The following SPATA16 variants were observed in gnomAD, a reference collection of about 807,000 sequenced individuals.
SPATA16 encodes spermatogenesis-associated protein 16.
A neutral mutation model predicts 63.3 loss-of-function variants in SPATA16; 36 were observed. The ratio of observed to expected loss-of-function variants is 0.57; its 90% CI spans 0.44 to 0.75. The LOEUF (loss-of-function observed/expected upper bound fraction) is 0.75, where lower values mean the gene tolerates loss of function less well. Among genes scored for constraint, SPATA16 ranks in the 30% least tolerant of loss-of-function variants. The probability of loss-of-function intolerance (pLI) is 0.00; values close to 1 mark genes in which losing one functional copy is unlikely to be tolerated. For synonymous variants in SPATA16, 203 were observed against 216.7 expected, an observed-to-expected ratio of 0.94 and a Z score of 0.56; for missense variants, 646 against 679.3, an observed-to-expected ratio of 0.95 and a Z score of 0.54.
chr3:173,050,135 C>T (rs1029848272), intron 2 of SPATA16, among the ~76,000 whole-genome samples: 3 of 152,202 alleles, frequency 2.0e-5, no homozygotes, highest in Admixed American at 1.3e-4. Context: ...TAGGTTAAGT[C>T]TTGAGACGGT....
chr3:172,900,875 T>C (rs1469255615), intron 10 of SPATA16, among the ~76,000 whole-genome samples: 1 of 152,060 alleles, frequency 6.6e-6, no homozygotes, highest in Non-Finnish European at 1.5e-5. Flanking sequence ...ACTCCTGACC[T>C]CATGATCTGC....
At chr3:173,097,919 A>G (rs1198225800) in intron 2 of SPATA16, among the ~76,000 whole-genome samples, 1 of 152,212 alleles carries the variant, frequency 6.6e-6, no homozygotes, top group African/African-American at 2.4e-5. Context: ...CAAAGGAAGC[A>G]CAAGGGCATA....
At chr3:173,023,926 A>AAT (rs1423191923) in intron 3 of SPATA16, among the ~76,000 whole-genome samples, 2 of 150,364 alleles carry the variant, frequency 1.3e-5, no homozygotes, top group East Asian at 3.9e-4. Flanking sequence ...GTATAGAATA[A>AAT]ATATATATAA....
chr3:173,094,684 T>G (rs1446486978), intron 2 of SPATA16, among the ~76,000 whole-genome samples: 1 of 151,514 alleles, frequency 6.6e-6, no homozygotes, highest in Non-Finnish European at 1.5e-5. Context: ...GTTGTTTTTT[T>G]TTTTTTTTTT....
rs1298940691 is a variant in SPATA16, at chr3:173,049,436, A to G, written c.613-342T>C. 3.9e-5 allele frequency among the ~76,000 whole-genome samples: 6 copies of G among 152,318 alleles called. No individual in the cohort carries two copies. In the East Asian group the frequency reaches 9.6e-4, roughly 24 times the overall value. On this transcript the variant is annotated intron_variant, in intron 2 of 10. Transcript: ENST00000351008. ...GTTGCTAAGAATGTCTGTTTTAAAA[A>G]TAAAGCACACAATAACCAAAGATAT...
At chr3:173,038,669 A>T (rs999906529) in intron 3 of SPATA16, among the ~76,000 whole-genome samples, 48 of 152,086 alleles carry the variant, frequency 3.2e-4, no homozygotes, top group African/African-American at 1.2e-3. Flanking sequence ...CTCCTTGTTG[A>T]TAAGCATTAA....
chr3:172,898,892 A>G (rs531308975), intron 10 of SPATA16, among the ~76,000 whole-genome samples: 1 of 151,802 alleles, frequency 6.6e-6, no homozygotes, highest in Admixed American at 6.6e-5. Context: ...GTATCCCACA[A>G]ATTTTGATAT....
intron 10 of SPATA16, among the ~76,000 whole-genome samples, chr3:172,901,652 C>T (rs1270822108): frequency 6.6e-6 from 1 of 152,142 alleles, no homozygotes; most frequent in Admixed American, 6.6e-5. Context: ...AGGGAACTGC[C>T]TTGTTACTTC....
At chr3:172,988,480 G>C (rs557572881) in intron 4 of SPATA16, among the ~76,000 whole-genome samples, 1 of 152,146 alleles carries the variant, frequency 6.6e-6, no homozygotes. Flanking sequence ...TATGCCAATC[G>C]TGCTTGTCAG....
chr3:173,140,147 G>A (rs1364388209), intron 1 of SPATA16, among the ~76,000 whole-genome samples: 2 of 152,150 alleles, frequency 1.3e-5, no homozygotes, highest in Admixed American at 6.5e-5. Flanking sequence ...TAGTTTCACT[G>A]CTCAGAGGAT....
Position 173,097,354 on chromosome 3 carries a change from G to A in SPATA16, c.612+19766C>T, listed in dbSNP as rs1026109519. 4.6e-5 allele frequency among the ~76,000 whole-genome samples: 7 copies of A among 152,234 alleles called. No individual in the cohort carries two copies. The East Asian group carries it at 9.7e-4, about 21-fold the overall frequency. Reference sequence around the variant, plus strand: ...AGAAGCCATAAAGTACTTTCTTTAAGTCAAAAGGTGAAAGTTCTCAACTTA... The same window carrying A: ...AGAAGCCATAAAGTACTTTCTTTAAATCAAAAGGTGAAAGTTCTCAACTTA... On this transcript the variant is annotated intron_variant, in intron 2 of 10. Transcript: ENST00000351008.
In SPATA16 at chr3:173,068,759, C is replaced by T. The variant is rs193034810; in HGVS notation, c.613-19665G>A. Reference sequence around the variant, plus strand: ...AAGTAGAAAAACTTCAAATGAACAACCTAATGATATATTGTTAAATACTAG... The same window carrying T: ...AAGTAGAAAAACTTCAAATGAACAATCTAATGATATATTGTTAAATACTAG... On this transcript the variant is annotated intron_variant, in intron 2 of 10. Transcript: ENST00000351008. Among the ~76,000 whole-genome samples the T allele has an allele frequency of 2.4e-3, 362 of 151,408 alleles. 2 individuals carry two copies. The highest frequency in any genetic ancestry group is 7.8e-3 in the African/African-American group (322 of 41,188).
At chr3:172,934,869 A>G (rs1434720524) in intron 6 of SPATA16, among the ~76,000 whole-genome samples, 2 of 152,174 alleles carry the variant, frequency 1.3e-5, no homozygotes, top group Non-Finnish European at 2.9e-5. Flanking sequence ...CTTTACTATT[A>G]GTAGTTAGTT....
chr3:173,115,101 C>T (rs549592613), intron 2 of SPATA16, among the ~76,000 whole-genome samples: 10 of 151,938 alleles, frequency 6.6e-5, no homozygotes, highest in African/African-American at 2.2e-4. Flanking sequence ...AAAGAGGTAG[C>T]GGGGAAGGAG....
chr3:172,943,952 A>G (rs1162883543), intron 6 of SPATA16, among the ~76,000 whole-genome samples: 1 of 152,196 alleles, frequency 6.6e-6, no homozygotes, highest in Non-Finnish European at 1.5e-5. Context: ...CCATTTTCAT[A>G]AATTTGAAAA....
intron 3 of SPATA16, among the ~76,000 whole-genome samples, chr3:173,038,030 G>C (rs1294322680): frequency 2.0e-5 from 3 of 152,074 alleles, no homozygotes; most frequent in Non-Finnish European, 4.4e-5. Context: ...GTATCTGTTT[G>C]TAAGGTCATC....
At chr3:173,094,209 C>T (rs1015093524) in intron 2 of SPATA16, among the ~76,000 whole-genome samples, 5 of 152,036 alleles carry the variant, frequency 3.3e-5, no homozygotes, top group African/African-American at 1.2e-4. Flanking sequence ...GCTTGTTCTG[C>T]ATTCTTTTCT....
chr3:172,983,220 T>A (rs1734361741), intron 4 of SPATA16, among the ~76,000 whole-genome samples: 2 of 152,220 alleles, frequency 1.3e-5, no homozygotes, highest in South Asian at 4.1e-4. Flanking sequence ...AACTACACCG[T>A]ATTCTCTGAA....
rs77533323 is a variant in SPATA16 at position 173,062,165 on chromosome 3, C to T, written c.613-13071G>A. Among the ~76,000 whole-genome samples, 1,060 of 150,016 alleles carry T rather than the reference C, an allele frequency of 7.1e-3. 20 individuals are homozygous for T. The highest frequency in any genetic ancestry group is 0.025 in the African/African-American group (1,001 of 40,684). ...CTAGTAATTTGCTTATGCTCTGAAG[C>T]ATGTAGATGATACACATTAACCTTC... On this transcript the variant is annotated intron_variant, in intron 2 of 10. Coordinates refer to ENST00000351008, the MANE Select transcript of SPATA16 (RefSeq NM_031955.6).
Sources: allele counts gnomAD v4.1 joint callset (sites outside exome capture counted in the v4.1 genomes callset), GRCh38; gene constraint gnomAD v4.1.1; transcripts MANE v1.5; gene names NCBI Gene and HGNC (gene_info 2026-07-23, HGNC 2026-07-21).